PUDP: variants seen among roughly 807,000 people sequenced by gnomAD.
PUDP encodes pseudouridine-5'-phosphatase.
PUDP carries 8 observed loss-of-function variants against 9.4 expected under a neutral mutation model. The ratio of observed to expected loss-of-function variants is 0.85; its 90% CI spans 0.50 to 1.53. The LOEUF is 1.53. Among genes scored for constraint, PUDP ranks in the 40% most tolerant of loss-of-function variants. The probability of loss-of-function intolerance (pLI) is 0.00; values close to 1 mark genes in which losing one functional copy is unlikely to be tolerated. For synonymous variants in PUDP, 99 were observed against 80.7 expected, an observed-to-expected ratio of 1.23 and a Z score of -1.22; for missense variants, 188 against 189.7, an observed-to-expected ratio of 0.99 and a Z score of 0.05.
intron 3 of PUDP, among the ~76,000 whole-genome samples, chrX:6,960,852 G>A (rs182257860): frequency 9.0e-6 from 1 of 111,084 alleles, no homozygotes; most frequent in Admixed American, 9.6e-5. Context: ...TATTTTAGGC[G>A]TTTTGCACCA....
In PUDP at chrX:6,876,950, T is replaced by TACAC. The variant is rs747481639; in HGVS notation, c.*247+100179_*247+100182dup. Among the ~76,000 whole-genome samples the TACAC allele has an allele frequency of 1.1e-3, 101 of 92,569 alleles. 2 individuals carry two copies. The highest frequency in any genetic ancestry group is 3.1e-3 in the African/African-American group (83 of 26,602). 80.4% of individuals were successfully genotyped at this position (92,569 alleles called of 115,157 possible). The stretch of plus-strand genomic sequence containing the variant: ...ACACATATATACATTCATATATGTG[T>TACAC]ACACACACACACACACACACACACA... On this transcript the variant is annotated intron_variant and NMD_transcript_variant, in intron 3 of 3. Coordinates refer to the PUDP transcript ENST00000655425.
intron 3 of PUDP, among the ~76,000 whole-genome samples, chrX:6,805,150 G>A (rs1926029113): frequency 9.0e-6 from 1 of 110,913 alleles, no homozygotes; most frequent in African/African-American, 3.3e-5. Context: ...TGCACCTGTA[G>A]TTCCAGCTAC....
intron 3 of PUDP, among the ~76,000 whole-genome samples, chrX:6,894,625 A>G (rs953640616): frequency 8.9e-6 from 1 of 111,953 alleles, no homozygotes; most frequent in Admixed American, 9.5e-5. Context: ...TCACTGGAGC[A>G]GTTTGCAATC....
intron 3 of PUDP, among the ~76,000 whole-genome samples, chrX:6,813,694 C>T (rs773699202): frequency 8.1e-5 from 9 of 111,671 alleles, no homozygotes; most frequent in Non-Finnish European, 1.1e-4. Flanking sequence ...TCAGCTATCA[C>T]TCTCGTTTTG....
chrX:6,976,286 A>G (rs983279248), intron 3 of PUDP, among the ~76,000 whole-genome samples: 2 of 111,607 alleles, frequency 1.8e-5, no homozygotes, highest in Non-Finnish European at 3.8e-5. Flanking sequence ...TGTCTACCCA[A>G]ACGGCTGCCC....
intron 1 of PUDP, among the ~76,000 whole-genome samples, chrX:7,026,919 G>A (rs1241076560): frequency 9.0e-6 from 1 of 111,513 alleles, no homozygotes; most frequent in Non-Finnish European, 1.9e-5. Flanking sequence ...CTCTAGGATT[G>A]GACTCTGTCC....
At chrX:6,729,590 A>T (rs1924784696) in intron 3 of PUDP, among the ~76,000 whole-genome samples, 1 of 112,133 alleles carries the variant, frequency 8.9e-6, no homozygotes, top group South Asian at 3.8e-4. Context: ...GAGTTGTGGG[A>T]TATGATGAGG....
chrX:6,902,977 G>C (rs1417060163), intron 3 of PUDP, among the ~76,000 whole-genome samples: 2 of 111,395 alleles, frequency 1.8e-5, no homozygotes, highest in Non-Finnish European at 3.8e-5. Flanking sequence ...GTCAGTAATA[G>C]CTGTCCCCCT....
chrX:6,724,251 C>T (rs1924712361), upstream of PUDP, among the ~76,000 whole-genome samples: 1 of 110,752 alleles, frequency 9.0e-6, no homozygotes, highest in Non-Finnish European at 1.9e-5. Context: ...AAACATGTTG[C>T]CTGAGTTACA....
At chrX:6,744,600 A>G (rs1191327641) in intron 3 of PUDP, among the ~76,000 whole-genome samples, 1 of 110,886 alleles carries the variant, frequency 9.0e-6, no homozygotes, top group African/African-American at 3.4e-5. Flanking sequence ...TAGCCCTAAT[A>G]TACTATTAAA....
intron 2 of PUDP, among the ~76,000 whole-genome samples, chrX:7,082,731 G>C (rs1454792255): frequency 8.9e-6 from 1 of 112,407 alleles, no homozygotes; most frequent in African/African-American, 3.2e-5. Flanking sequence ...TCCTGCATGG[G>C]CATCCTAAGG....
At chrX:6,827,716 T>A (rs1926444805) in intron 3 of PUDP, among the ~76,000 whole-genome samples, 1 of 111,925 alleles carries the variant, frequency 8.9e-6, no homozygotes. Context: ...AGCACTGCCA[T>A]CCACTCTACA....
At chrX:7,130,354 T>A (rs189676664) in intron 1 of PUDP, among the ~76,000 whole-genome samples, 2 of 102,166 alleles carry the variant, frequency 2.0e-5, no homozygotes, top group African/African-American at 7.1e-5. Flanking sequence ...TCCCTTTGTA[T>A]CAGAGATGCA....
intron 3 of PUDP, among the ~76,000 whole-genome samples, chrX:6,827,422 T>G (rs897181777): frequency 1.3e-4 from 14 of 111,667 alleles, no homozygotes; most frequent in African/African-American, 4.6e-4. Context: ...CTCTAGAGGA[T>G]TCTATTGGTT....
chrX:6,735,844 G>A (rs1193513431), intron 3 of PUDP, among the ~76,000 whole-genome samples: 4 of 109,943 alleles, frequency 3.6e-5, no homozygotes, highest in Non-Finnish European at 7.6e-5. Context: ...GACCAGCCTC[G>A]GCAACATAGT....
intron 3 of PUDP, among the ~76,000 whole-genome samples, chrX:7,055,174 G>A (rs1009820814): frequency 9.0e-6 from 1 of 111,655 alleles, no homozygotes; most frequent in Non-Finnish European, 1.9e-5. Context: ...CCTAGAAACA[G>A]TAGAATTATA....
chrX:7,095,635 T>G (rs929746545), intron 2 of PUDP, among the ~76,000 whole-genome samples: 1 of 112,249 alleles, frequency 8.9e-6, no homozygotes, highest in Non-Finnish European at 1.9e-5. Context: ...GAGACACAGT[T>G]TGTGCCATGT....
intron 3 of PUDP, among the ~76,000 whole-genome samples, chrX:6,779,893 C>T (rs1216216898): frequency 9.0e-6 from 1 of 111,104 alleles, no homozygotes; most frequent in East Asian, 2.8e-4. Flanking sequence ...CGCCACTGCA[C>T]TCTAGCCTGG....
intron 2 of PUDP, among the ~76,000 whole-genome samples, chrX:7,092,903 C>T (rs1931465856): frequency 8.9e-6 from 1 of 112,643 alleles, no homozygotes; most frequent in Non-Finnish European, 1.9e-5. Flanking sequence ...GGCTTTCTAC[C>T]TCATCTGCAC....
Sources: allele counts gnomAD v4.1 joint callset (sites outside exome capture counted in the v4.1 genomes callset), GRCh38; gene constraint gnomAD v4.1.1; transcripts MANE v1.5; gene names NCBI Gene and HGNC (gene_info 2026-07-23, HGNC 2026-07-21).